The following SNHG17 variants were observed in gnomAD, a reference collection of about 807,000 sequenced individuals.
The protein encoded by SNHG17 is small nucleolar RNA host gene 17 (non-protein coding).
chr20:38,431,597 C>T (rs185010784), intron 2 of SNHG17, among the ~76,000 whole-genome samples: 151 of 152,274 alleles, frequency 9.9e-4, no homozygotes, highest in Middle Eastern at 6.8e-3. Flanking sequence ...CTTCTTCGGA[C>T]GTGGAAGATA....
In SNHG17 at chr20:38,432,175, G is replaced by A; in HGVS notation, n.309-1063C>T. 3 of 985,424 alleles carry A rather than the reference G, an allele frequency of 3.0e-6. No homozygotes were observed. The South Asian group carries it at 1.4e-4, about 46-fold the overall frequency. The allele number at this position is 985,424 out of a possible 1,614,324, so 61.0% of individuals were successfully genotyped here. On this transcript the variant is annotated intron_variant and non_coding_transcript_variant, in intron 2 of 8. Coordinates refer to ENST00000654008, the Ensembl canonical transcript of SNHG17. The stretch of plus-strand genomic sequence containing the variant: ...AGTACTGGCACAGAAGCCACCAGGT[G>A]GTAAACATTTCCTAAAAGTTGGCTA...
intron 2 of SNHG17, among the ~76,000 whole-genome samples, chr20:38,433,012 G>A (rs754290553): frequency 2.6e-5 from 4 of 152,096 alleles, no homozygotes; most frequent in Admixed American, 1.3e-4. Flanking sequence ...TCACTCTGTC[G>A]CCTAGGCTGG....
chr20:38,427,329 CGG>C, intron 3 of SNHG17: 1 of 512,834 alleles, frequency 1.9e-6, no homozygotes, highest in South Asian at 1.4e-5. Flanking sequence ...CTTCAGGGTT[CGG>C]ATGGGATAGG....
chr20:38,433,811 T>C (rs1297613931), intron 2 of SNHG17: 1 of 518,830 alleles, frequency 1.9e-6, no homozygotes, highest in Non-Finnish European at 3.8e-6. Flanking sequence ...CAGGGAGCAC[T>C]CACTAATAAG....
intron 3 of SNHG17, chr20:38,427,915 C>T (rs750186193): frequency 6.6e-6 from 1 of 152,258 alleles, no homozygotes; most frequent in African/African-American, 2.4e-5. Flanking sequence ...CAGTAAACAC[C>T]CCGGGCATGG....
chr20:38,435,327 CTG>C, exon 1 of SNHG17: 1 of 1,231,234 alleles, frequency 8.1e-7, no homozygotes, highest in East Asian at 3.2e-5. Flanking sequence ...CGGCGAAGGA[CTG>C]AGGCCACACG....
At chr20:38,434,164 T>C (rs962699014) in intron 2 of SNHG17, among the ~76,000 whole-genome samples, 6 of 152,166 alleles carry the variant, frequency 3.9e-5, no homozygotes, top group Admixed American at 6.5e-5. Flanking sequence ...AACAGACTTC[T>C]GGTAAAAATG....
At chr20:38,426,598 G>A (rs1196992511) in intron 3 of SNHG17, 1 of 151,072 alleles carries the variant, frequency 6.6e-6, no homozygotes, top group Non-Finnish European at 1.5e-5. Context: ...ATCGGGGTGG[G>A]ATGGGCTAGA....
chr20:38,423,755 G>A (rs866930015), intron 5 of SNHG17, among the ~76,000 whole-genome samples: 4 of 152,128 alleles, frequency 2.6e-5, no homozygotes, highest in South Asian at 2.1e-4. Context: ...CACTAAAAAC[G>A]GTGACTATGT....
intron 3 of SNHG17, chr20:38,429,925 G>C (rs2084315429): frequency 2.4e-6 from 1 of 416,358 alleles, no homozygotes; most frequent in Non-Finnish European, 4.6e-6. Context: ...GATTACAGAT[G>C]CTGCTTCTGA....
rs1349410215 is a variant in SNHG17, at chr20:38,435,020, G to A, written n.185+177C>T. 5 of 1,230,518 alleles carry A rather than the reference G, an allele frequency of 4.1e-6. No homozygotes were observed. The African/African-American group carries it at 6.2e-5, about 15-fold the overall frequency. 76.2% of individuals were successfully genotyped at this position (1,230,518 alleles called of 1,614,324 possible). On this transcript the variant is annotated intron_variant and non_coding_transcript_variant, in intron 1 of 8. Coordinates refer to ENST00000654008, the Ensembl canonical transcript of SNHG17. Reference sequence around the variant, plus strand: ...TCAGCACTGCCGCGGCCAAGGGCGCGACTCACCTGCCAGTGTCTTTCCCGA... The same window carrying A: ...TCAGCACTGCCGCGGCCAAGGGCGCAACTCACCTGCCAGTGTCTTTCCCGA...
chr20:38,426,306 G>A (rs1385124359), intron 4 of SNHG17: 2 of 152,282 alleles, frequency 1.3e-5, no homozygotes, highest in African/African-American at 4.8e-5. Context: ...GGGCCTCAGT[G>A]GAAGAGCAAG....
intron 3 of SNHG17, chr20:38,427,598 C>T (rs2084271784): frequency 4.8e-6 from 1 of 206,310 alleles, no homozygotes. Context: ...GGGGAAACAC[C>T]TCTGACAAAA....
At chr20:38,434,718 T>C in intron 1 of SNHG17, 3 of 450,754 alleles carry the variant, frequency 6.7e-6, no homozygotes, top group Non-Finnish European at 8.8e-6. Context: ...TGGCAGCGTC[T>C]TCCATTTAAA....
chr20:38,430,355 C>T (rs2084321811), intron 3 of SNHG17, among the ~76,000 whole-genome samples: 3 of 149,610 alleles, frequency 2.0e-5, no homozygotes, highest in Admixed American at 2.0e-4. Flanking sequence ...ATAGGCCGGG[C>T]ACAGTGGCTC....
chr20:38,425,256 C>G, intron 5 of SNHG17: 1 of 519,174 alleles, frequency 1.9e-6, no homozygotes, highest in South Asian at 1.4e-5. Context: ...CACGGGGAAG[C>G]GCTTTCATTG....
At chr20:38,428,217 C>G (rs192961301) in intron 3 of SNHG17, 1 of 152,334 alleles carries the variant, frequency 6.6e-6, no homozygotes, top group East Asian at 1.9e-4. Context: ...CCCCAGCGCT[C>G]GCCCCAGGCA....
chr20:38,426,338 TC>T (rs1438083970), intron 4 of SNHG17: 3 of 152,202 alleles, frequency 2.0e-5, no homozygotes, highest in Non-Finnish European at 4.4e-5. Context: ...AGCCTCTGCC[TC>T]CCCTCTAGTG....
At chr20:38,434,919 C>G in intron 1 of SNHG17, 1 of 1,223,916 alleles carries the variant, frequency 8.2e-7, no homozygotes, top group South Asian at 4.3e-5. Flanking sequence ...GCCCTGTTTC[C>G]CGCCATCCAG....
Sources: gnomAD v4.1 joint callset for allele counts (sites outside exome capture counted in the v4.1 genomes callset) on GRCh38, gnomAD v4.1.1 for gene constraint, MANE v1.5 for transcripts, NCBI Gene and HGNC (gene_info 2026-07-23, HGNC 2026-07-21) for gene names.